Variants in PSMB10 observed in about 807,000 individuals in gnomAD.
The protein encoded by PSMB10 is proteasome 20S subunit beta 10.
A neutral mutation model predicts 29.8 loss-of-function variants in PSMB10; 29 were observed. The ratio of observed to expected loss-of-function variants is 0.97; its 90% CI spans 0.73 to 1.33. The LOEUF (loss-of-function observed/expected upper bound fraction) is 1.33. PSMB10 is among the 40% of genes most tolerant of loss of function. PSMB10 has a pLI of 0.00. For synonymous variants in PSMB10, 157 were observed against 164.7 expected (o/e 0.95, Z 0.36); for missense variants, 327 against 369.2 (o/e 0.89, Z 0.94).
rs2058266580 is a variant in PSMB10, at chr16:67,936,846, C to G, written c.-97G>C. The G allele has an allele frequency of 2.0e-6, 2 of 1,005,676 alleles. No homozygotes were observed. Among genetic ancestry groups the G allele is most frequent in the South Asian group, 3.0e-5 (2 of 66,202 alleles). 62.3% of individuals were successfully genotyped at this position (1,005,676 alleles called of 1,614,324 possible). Reference sequence around the variant, plus strand: ...CTAAAAAGTCCTCTGCTAGGCTTCACGTCTGTACTTCCTGCTTTCGCTTTC... The same window carrying G: ...CTAAAAAGTCCTCTGCTAGGCTTCAGGTCTGTACTTCCTGCTTTCGCTTTC... On this transcript the variant is annotated 5_prime_UTR_variant, in exon 1 of 8. Coordinates refer to ENST00000358514, the MANE Select transcript of PSMB10 (RefSeq NM_002801.4).
chr16:67,935,003 T>C (rs2058257413), intron 6 of PSMB10, 55 bp from the exon 7 acceptor site: 2 of 1,583,136 alleles, frequency 1.3e-6, no homozygotes, highest in Non-Finnish European at 1.7e-6. Flanking sequence ...TAACTTAGGC[T>C]ACAGCCTGGG....
At chr16:67,935,139 G>A (rs2058257873) in intron 6 of PSMB10, 191 bp from the exon 7 acceptor site, 2 of 769,266 alleles carry the variant, frequency 2.6e-6, no homozygotes, top group Admixed American at 5.8e-5. Context: ...CAAAATCTAG[G>A]CTCCAGACGT....
In PSMB10 at chr16:67,934,548, C is replaced by A; in HGVS notation, c.*12G>T. 2 of 1,609,558 alleles carry A rather than the reference C, an allele frequency of 1.2e-6. No homozygotes were observed. The highest frequency in any genetic ancestry group is 1.7e-6 in the Non-Finnish European group (2 of 1,175,828). On this transcript the variant is annotated 3_prime_UTR_variant, in exon 8 of 8. Coordinates refer to ENST00000358514, the MANE Select transcript of PSMB10 (RefSeq NM_002801.4). The surrounding 1 kb of genome is among the most constrained non-coding windows in gnomAD (Gnocchi z 4.3). ...GGTTTATTCCCCCTTGTTCCAAGCT[C>A]TAAGCCTCAGCTTACTCCACCTCCA... is the stretch of plus-strand genomic sequence containing the variant.
rs140912730 is a variant in PSMB10, at chr16:67,934,929, A to G, written c.578T>C (p.Leu193Pro). 34 of 1,612,202 alleles carry G rather than the reference A, an allele frequency of 2.1e-5. No individual in the cohort carries two copies. In the African/African-American group the frequency reaches 4.5e-4, roughly 22 times the overall value. ...CCCGGCGGTGACGGCTTCCACCAGC[A>G]GCCCCTGAGCAGCCTCCAGCTGCGG... ...PNMTLEAAQG[L>P]LVEAVTAGIL... The change falls in exon 7 of 8, where the codon CTG becomes CCG. Residue 193 changes from leucine to proline, a missense_variant. By Grantham distance (98) the Leu-to-Pro change is moderately conservative. Coordinates refer to ENST00000358514, the MANE Select transcript of PSMB10 (RefSeq NM_002801.4). This position sits in a 1 kb window ranked among gnomAD's most constrained non-coding sequence, Gnocchi z 4.3.
Position 67,934,918 on chromosome 16 carries a change from C to A in PSMB10, c.589G>T (p.Ala197Ser). The A allele has an allele frequency of 1.2e-6, 2 of 1,612,780 alleles. No individual in the cohort carries two copies. The highest frequency in any genetic ancestry group is 1.7e-6 in the Non-Finnish European group (2 of 1,179,978). ...LEAAQGLLVE[A>S]VTAGILGDLG... ...TCACCCAAGATCCCGGCGGTGACGG[C>A]TTCCACCAGCAGCCCCTGAGCAGCC... The change falls in exon 7 of 8, where the codon GCC becomes TCC. Residue 197 changes from alanine (A) to serine (S), a missense_variant. Transcript: ENST00000358514. The surrounding 1 kb of genome is among the most constrained non-coding windows in gnomAD (Gnocchi z 4.3).
chr16:67,935,941 CCT>C lies in PSMB10; in HGVS notation c.383+20_383+21del. 1.3e-6 allele frequency: 2 copies of C among 1,596,224 alleles called. No individual in the cohort carries two copies. Among genetic ancestry groups the C allele is most frequent in the East Asian group, 4.5e-5 (2 of 44,442 alleles). On this transcript the variant is annotated intron_variant, in intron 4 of 7. Transcript: ENST00000358514. ...ACCCCGTAACTACCCCTGCCGGGGT[CCT>C]GTTAGCCCTGCCCCCGCACCTGAAG... is the stretch of plus-strand genomic sequence containing the variant.
Position 67,935,696 on chromosome 16 carries a change from A to G in PSMB10, c.385T>C (p.Tyr129His), listed in dbSNP as rs1337146019. ...TRILRQTLFR[Y>H]QGHVGASLIV... is the part of the protein sequence containing the mutation. ...AGCGATGCACCCACGTGGCCCTGGTACCTGCTCGAGGATGGGCGGGGTCGG... is the reference window on the plus strand; with the variant it reads ...AGCGATGCACCCACGTGGCCCTGGTGCCTGCTCGAGGATGGGCGGGGTCGG... Residue 129 changes from tyrosine (Y) to histidine (H), a missense_variant and splice_region_variant, in exon 5 of 8, where the codon TAC becomes CAC. Coordinates refer to ENST00000358514, the MANE Select transcript of PSMB10 (RefSeq NM_002801.4). 1 of 1,613,450 alleles carries G rather than the reference A, an allele frequency of 6.2e-7. No homozygotes were observed. The highest frequency in any genetic ancestry group is 1.3e-5 in the African/African-American group (1 of 74,996).
chr16:67,935,608 T>C lies in PSMB10; in HGVS notation c.473A>G (p.Tyr158Cys). Residue 158 changes from tyrosine to cysteine, a missense_variant, in exon 5 of 8, where the codon TAC (tyrosine) becomes TGC (cysteine). Tyr to Cys is a radical substitution (Grantham distance 194, BLOSUM62 -2). Coordinates refer to ENST00000358514, the MANE Select transcript of PSMB10 (RefSeq NM_002801.4). ...CAGGGCTGTGAAGGGCAGACGGCTG[T>C]AGGAGCCATGGGGATGCACACCGTA... ...QLYGVHPHGSYSRLPFTALGS... is the reference protein window; with the variant it reads ...QLYGVHPHGSCSRLPFTALGS... The C allele has an allele frequency of 6.2e-7, 1 of 1,614,220 alleles. No individual in the cohort carries two copies. The highest frequency in any genetic ancestry group is 2.2e-5 in the East Asian group (1 of 44,886).
Position 67,936,459 on chromosome 16 carries a change from G to T in PSMB10, c.83C>A (p.Pro28Gln), listed in dbSNP as rs761774453. The part of the protein sequence containing the change: ...QRNASLERVL[P>Q]GLKVPHARKT... ...GCGTGCGTGAGGGACCTTGAGCCCCGGGAGGACGCGTTCCAATGATGCATT... is the reference window on the plus strand; with the variant it reads ...GCGTGCGTGAGGGACCTTGAGCCCCTGGAGGACGCGTTCCAATGATGCATT... Residue 28 changes from proline to glutamine, a missense_variant, in exon 2 of 8, where the codon CCG becomes CAG. Coordinates refer to ENST00000358514, the MANE Select transcript of PSMB10 (RefSeq NM_002801.4). 2 of 1,613,286 alleles carry T rather than the reference G, an allele frequency of 1.2e-6. No homozygotes were observed. Among genetic ancestry groups the T allele is most frequent in the African/African-American group, 1.3e-5 (1 of 74,856 alleles).
intron 1 of PSMB10, 23 bp from the exon 2 acceptor site, chr16:67,936,508 A>G: frequency 6.3e-7 from 1 of 1,599,778 alleles, no homozygotes; most frequent in Non-Finnish European, 8.5e-7. Flanking sequence ...GAGGGCGCCC[A>G]TGTTTCGGCT....
chr16:67,935,578 T>C lies in PSMB10; in HGVS notation c.499+4A>G, dbSNP rs2058259744. 1 of 1,613,972 alleles carries C rather than the reference T, an allele frequency of 6.2e-7. No individual in the cohort carries two copies. Among genetic ancestry groups the C allele is most frequent in the East Asian group, 2.2e-5 (1 of 44,880 alleles). On this transcript the variant is annotated splice_donor_region_variant and intron_variant, in intron 5 of 7. Transcript: ENST00000358514. Reference sequence around the variant, plus strand: ...GTTCGAGGAGAAGGGACAGAAGCGCTCACCCAGGGCTGTGAAGGGCAGACG... The same window carrying C: ...GTTCGAGGAGAAGGGACAGAAGCGCCCACCCAGGGCTGTGAAGGGCAGACG...
intron 2 of PSMB10, 22 bp from the exon 3 acceptor site, chr16:67,936,334 A>G: frequency 6.2e-7 from 1 of 1,611,560 alleles, no homozygotes; most frequent in Non-Finnish European, 8.5e-7. Flanking sequence ...GAGGGACCGC[A>G]GCTTCAGTGC....
rs2151318043 is a variant in PSMB10 at position 67,934,683 on chromosome 16, G to A, written c.711-12C>T. ...GGTAGCGGCCAGACCTGGGAGGGAGGAGGGACAGCCTCTGAACATGGGCCT... is the reference window on the plus strand; with the variant it reads ...GGTAGCGGCCAGACCTGGGAGGGAGAAGGGACAGCCTCTGAACATGGGCCT... On this transcript the variant is annotated splice_polypyrimidine_tract_variant and intron_variant, in intron 7 of 7. Transcript: ENST00000358514. This position sits in a 1 kb window ranked among gnomAD's most constrained non-coding sequence, Gnocchi z 4.3. 6.2e-7 allele frequency: 1 copy of A among 1,613,764 alleles called. No individual in the cohort carries two copies. The highest frequency in any genetic ancestry group is 1.1e-5 in the South Asian group (1 of 91,064).
chr16:67,935,372 G>A (rs2058258847), intron 6 of PSMB10, 48 bp downstream of exon 6: 1 of 1,610,122 alleles, frequency 6.2e-7, no homozygotes, highest in South Asian at 1.1e-5. Flanking sequence ...CAGCTCCCGG[G>A]TGCACATCCC....
At position 67,935,323 on chromosome 16, in the gene PSMB10, C is replaced by A. The variant is rs560575035; in HGVS notation, c.558+97G>T. On this transcript the variant is annotated intron_variant, in intron 6 of 7. Coordinates refer to ENST00000358514, the MANE Select transcript of PSMB10 (RefSeq NM_002801.4). The stretch of plus-strand genomic sequence containing the variant: ...TTCAGTGGTCACCTCCTCCGACAAG[C>A]CTTAGCCACCCGCACTGGGCCAGGG... The A allele has an allele frequency of 2.2e-5, 33 of 1,504,344 alleles. No individual in the cohort carries two copies. The East Asian group carries it at 4.1e-4, about 19-fold the overall frequency. The allele number at this position is 1,504,344 out of a possible 1,614,324, so 93.2% of individuals were successfully genotyped here.
At chr16:67,936,670 C>CCGCCCCCCG (rs2058265535) in intron 1 of PSMB10, 24 bp downstream of exon 1, 2 of 1,546,352 alleles carry the variant, frequency 1.3e-6, no homozygotes, top group African/African-American at 2.8e-5. Flanking sequence ...TCAGGAGTGA[C>CCGCCCCCCG]CGCCCCCCGC....
rs775613287 is a variant in PSMB10, at chr16:67,936,676, C to T, written c.56+18G>A. ...AGAGGCGGCTCAGGAGTGACCGCCC[C>T]CCGCGCCCCCGCTTCACCTTTGGCA... On this transcript the variant is annotated intron_variant, in intron 1 of 7. Coordinates refer to ENST00000358514, the MANE Select transcript of PSMB10 (RefSeq NM_002801.4). 5 of 1,548,786 alleles carry T rather than the reference C, an allele frequency of 3.2e-6. No individual in the cohort carries two copies. The highest frequency in any genetic ancestry group is 4.4e-6 in the Non-Finnish European group (5 of 1,145,842).
chr16:67,936,712 G>T lies in PSMB10; in HGVS notation c.38C>A (p.Ser13Tyr). The change falls in exon 1 of 8, where the codon TCC becomes TAC. Residue 13 changes from serine (S) to tyrosine (Y), a missense_variant. Physicochemically the swap from Ser to Tyr is moderately radical, Grantham distance 144. Coordinates refer to ENST00000358514, the MANE Select transcript of PSMB10 (RefSeq NM_002801.4). Reference protein sequence around the residue: ...KPALEPRGGFSFENCQRNASL... With the variant: ...KPALEPRGGFYFENCQRNASL... The stretch of plus-strand genomic sequence containing the variant: ...GCTTCACCTTTGGCAGTTCTCGAAG[G>T]AGAAGCCCCCTCGGGGCTCCAGGGC... 6.4e-7 allele frequency: 1 copy of T among 1,556,872 alleles called. No homozygotes were observed. Among genetic ancestry groups the T allele is most frequent in the Admixed American group, 1.9e-5 (1 of 51,800 alleles).
At position 67,934,915 on chromosome 16, in the gene PSMB10, C is replaced by G; in HGVS notation, c.592G>C (p.Val198Leu). ...EAAQGLLVEA[V>L]TAGILGDLGS... ...AGGTCACCCAAGATCCCGGCGGTGA[C>G]GGCTTCCACCAGCAGCCCCTGAGCA... The change falls in exon 7 of 8, where the codon GTC becomes CTC. Residue 198 changes from valine to leucine, a missense_variant. Physicochemically the swap from Val to Leu is conservative, Grantham distance 32 (BLOSUM62 1). Coordinates refer to ENST00000358514, the MANE Select transcript of PSMB10 (RefSeq NM_002801.4). This position sits in a 1 kb window ranked among gnomAD's most constrained non-coding sequence, Gnocchi z 4.3. 1 of 1,612,888 alleles carries G rather than the reference C, an allele frequency of 6.2e-7. No homozygotes were observed. Among genetic ancestry groups the G allele is most frequent in the Non-Finnish European group, 8.5e-7 (1 of 1,179,984 alleles).
Sources: gnomAD v4.1 joint callset for allele counts on GRCh38, gnomAD v4.1.1 for gene constraint, Gnocchi (gnomAD v3.1) non-coding constraint, MANE v1.5 for transcripts, NCBI Gene and HGNC (gene_info 2026-07-23, HGNC 2026-07-21) for gene names.